GPHN: variants seen among roughly 807,000 people sequenced by gnomAD.
GPHN encodes the protein gephyrin.
In GPHN, 17 loss-of-function variants were observed where a neutral mutation model predicts 95.5. The observed-to-expected ratio is 0.18, with a 90% CI of 0.12 to 0.27. The LOEUF is 0.27. Among genes scored for constraint, GPHN ranks in the 10% least tolerant of loss-of-function variants. The pLI, the probability that GPHN is intolerant of heterozygous loss-of-function variation, is 1.00. For missense variants in GPHN, 660 were observed against 978.1 expected (o/e 0.67, Z 4.34); for synonymous variants, 320 against 322.5 (o/e 0.99, Z 0.08).
At chr14:67,624,686 A>G in the GPHN span, among the ~76,000 whole-genome samples, 24 of 152,330 alleles carry the variant, frequency 1.6e-4, no homozygotes, top group African/African-American at 5.8e-4. Flanking sequence ...GACCTCCAAC[A>G]TTGGGGATTA....
At chr14:67,735,071 A>G in the GPHN span, 2 of 705,032 alleles carry the variant, frequency 2.8e-6, no homozygotes, top group Non-Finnish European at 5.2e-6. Flanking sequence ...ACAGCAAATG[A>G]CACCAAATAT....
At chr14:67,681,776 T>C in the GPHN span, among the ~76,000 whole-genome samples, 2 of 152,002 alleles carry the variant, frequency 1.3e-5, no homozygotes, top group Non-Finnish European at 2.9e-5. Flanking sequence ...ATAATAATTA[T>C]AAAATAAAAT....
chr14:66,560,821 G>C (rs1778794446), intron 1 of GPHN, among the ~76,000 whole-genome samples: 1 of 152,138 alleles, frequency 6.6e-6, no homozygotes, highest in African/African-American at 2.4e-5. Flanking sequence ...TCTTGTGCCA[G>C]TTTTCAAAGG....
chr14:67,653,534 A>C, the GPHN span: 1 of 1,569,594 alleles, frequency 6.4e-7, no homozygotes, highest in Non-Finnish European at 8.8e-7. Flanking sequence ...TCCCTCTTTA[A>C]AAAGTATACT....
intron 4 of GPHN, among the ~76,000 whole-genome samples, chr14:66,826,759 T>G (rs1596039796): frequency 6.6e-6 from 1 of 152,082 alleles, no homozygotes; most frequent in East Asian, 1.9e-4. Context: ...CTCTCAGTAT[T>G]TAGCGCCCCT....
chr14:66,863,100 A>G (rs911025197), intron 4 of GPHN, among the ~76,000 whole-genome samples: 7 of 152,076 alleles, frequency 4.6e-5, no homozygotes, highest in Non-Finnish European at 8.8e-5. Context: ...CCAAACAACT[A>G]TTAGAACTGA....
chr14:67,595,135 TAAAAAAAATAAAAATA>T, the GPHN span, among the ~76,000 whole-genome samples: 1,239 of 151,486 alleles, frequency 8.2e-3, 14 homozygotes, highest in African/African-American at 0.029. Context: ...AGACTCCGTC[TAAAAAAAATAAAAATA>T]AAAAAAATAA....
At chr14:66,842,050 C>T (rs2062114088) in intron 4 of GPHN, among the ~76,000 whole-genome samples, 1 of 134,890 alleles carries the variant, frequency 7.4e-6, no homozygotes, top group Non-Finnish European at 1.6e-5. Context: ...AAGACTCCTT[C>T]CCCCCGCCCC....
the GPHN span, among the ~76,000 whole-genome samples, chr14:67,658,210 T>C: frequency 0.1 from 12,796 of 124,402 alleles, 731 homozygotes; most frequent in East Asian, 0.33. Context: ...AAAAAATGAC[T>C]AAGAAAAGAT....
At chr14:67,462,482 C>T in the GPHN span, among the ~76,000 whole-genome samples, 3 of 152,078 alleles carry the variant, frequency 2.0e-5, no homozygotes, top group Non-Finnish European at 4.4e-5. Flanking sequence ...AGTAGCTAGG[C>T]CTACAGCCAT....
intron 1 of GPHN, among the ~76,000 whole-genome samples, chr14:66,584,006 T>A (rs917730100): frequency 1.6e-4 from 24 of 152,200 alleles, no homozygotes; most frequent in African/African-American, 5.8e-4. Flanking sequence ...TACTGATTCT[T>A]CCTACCCATG....
At chr14:67,408,359 A>T in the GPHN span, among the ~76,000 whole-genome samples, 177 of 133,996 alleles carry the variant, frequency 1.3e-3, 3 homozygotes, top group African/African-American at 5.1e-3. Context: ...TAAAATAAAA[A>T]AAGAAAAAAC....
At chr14:67,302,020 G>C in the GPHN span, 2 of 1,610,244 alleles carry the variant, frequency 1.2e-6, no homozygotes, top group Non-Finnish European at 1.7e-6. Flanking sequence ...AATGCAGCTA[G>C]AGCCCATTAC....
chr14:66,587,460 G>A (rs1205785069), intron 1 of GPHN, among the ~76,000 whole-genome samples: 1 of 152,116 alleles, frequency 6.6e-6, no homozygotes, highest in Non-Finnish European at 1.5e-5. Context: ...CTGATAAACA[G>A]ATGCAGATAT....
the GPHN span, chr14:67,600,225 GCACCGCGCGGCGCT>G: frequency 3.9e-6 from 6 of 1,543,626 alleles, no homozygotes; most frequent in Non-Finnish European, 5.2e-6. Context: ...TCGGCCGCCC[GCACCGCGCGGCGCT>G]GCACTGCGCT....
the GPHN span, chr14:67,392,506 G>T: frequency 7.7e-7 from 1 of 1,304,394 alleles, no homozygotes; most frequent in South Asian, 1.2e-5. Flanking sequence ...GAGGGGAAAG[G>T]AAATTCCTCA....
chr14:66,610,339 C>T (rs1647764555), intron 1 of GPHN, among the ~76,000 whole-genome samples: 1 of 152,136 alleles, frequency 6.6e-6, no homozygotes, highest in African/African-American at 2.4e-5. Context: ...CCCTAGGAGC[C>T]ATTCAGTGGC....
chr14:67,534,595 A>G, the GPHN span, among the ~76,000 whole-genome samples: 1 of 152,028 alleles, frequency 6.6e-6, no homozygotes, highest in African/African-American at 2.4e-5. Flanking sequence ...TTCCTAACGT[A>G]TGGTTCAGTC....
intron 1 of GPHN, among the ~76,000 whole-genome samples, chr14:66,578,351 T>C (rs553213936): frequency 4.6e-5 from 7 of 151,882 alleles, no homozygotes; most frequent in Non-Finnish European, 7.4e-5. Flanking sequence ...CTTTGCATTA[T>C]AGGAGTTCCA....
Sources: gnomAD v4.1 joint callset for allele counts (sites outside exome capture counted in the v4.1 genomes callset) on GRCh38, gnomAD v4.1.1 for gene constraint, MANE v1.5 for transcripts, NCBI Gene and HGNC (gene_info 2026-07-23, HGNC 2026-07-21) for gene names.